SLCO6A1: variants seen among roughly 807,000 people sequenced by gnomAD.
SLCO6A1 encodes solute carrier organic anion transporter family member 6A1.
Under a neutral mutation model 72.7 loss-of-function variants are expected in SLCO6A1, and 65 were observed. That is an observed-to-expected ratio of 0.89 (90% CI 0.73 to 1.10). SLCO6A1 has a LOEUF of 1.10. Among genes scored for constraint, SLCO6A1 ranks in the 50% least tolerant of loss-of-function variants. SLCO6A1 has a pLI of 0.00. For missense variants in SLCO6A1, 874 were observed against 872.6 expected, an observed-to-expected ratio of 1.00 and a Z score of -0.02; for synonymous variants, 314 against 298.2, an observed-to-expected ratio of 1.05 and a Z score of -0.55.
chr5:102,438,778 T>C lies in SLCO6A1; in HGVS notation c.1132-17A>G, dbSNP rs200038069. On this transcript the variant is annotated splice_polypyrimidine_tract_variant and intron_variant, in intron 6 of 13. Transcript: ENST00000506729. Reference sequence around the variant, plus strand: ...CATCAGAATCTGAAATAAAAATAAGTTATATATCTATTATTTTATTTTGTT... The same window carrying C: ...CATCAGAATCTGAAATAAAAATAAGCTATATATCTATTATTTTATTTTGTT... 1 of 1,487,516 alleles carries C rather than the reference T, an allele frequency of 6.7e-7. No individual in the cohort carries two copies. Among genetic ancestry groups the C allele is most frequent in the East Asian group, 2.4e-5 (1 of 41,072 alleles). 92.1% of individuals were successfully genotyped at this position (1,487,516 alleles called of 1,614,324 possible). A position where few individuals can be genotyped will look rare whatever the true frequency, so the allele number is the denominator to read the frequency against.
At chr5:102,487,180 C>G (rs1394059429) in intron 1 of SLCO6A1, among the ~76,000 whole-genome samples, 1 of 152,214 alleles carries the variant, frequency 6.6e-6, no homozygotes, top group East Asian at 1.9e-4. Flanking sequence ...AAGCCTTTTG[C>G]AGCTGCATGT....
intron 1 of SLCO6A1, among the ~76,000 whole-genome samples, chr5:102,487,053 C>G (rs1006361090): frequency 1.3e-5 from 2 of 151,966 alleles, no homozygotes; most frequent in African/African-American, 4.8e-5. Flanking sequence ...TCATTTACAG[C>G]TATTATTTTA....
intron 12 of SLCO6A1, among the ~76,000 whole-genome samples, chr5:102,386,497 C>G (rs1356811829): frequency 6.6e-6 from 1 of 152,012 alleles, no homozygotes; most frequent in African/African-American, 2.4e-5. Flanking sequence ...GAACCTAGGG[C>G]TATGGGGACT....
chr5:102,425,882 C>T (rs775959338), intron 7 of SLCO6A1, among the ~76,000 whole-genome samples: 1 of 152,140 alleles, frequency 6.6e-6, no homozygotes, highest in Non-Finnish European at 1.5e-5. Flanking sequence ...TACAAGGCTA[C>T]AGTAACCAAA....
intron 7 of SLCO6A1, among the ~76,000 whole-genome samples, chr5:102,425,445 CA>C (rs1238752582): frequency 6.6e-6 from 1 of 152,092 alleles, no homozygotes; most frequent in East Asian, 1.9e-4. Context: ...AATCAATGTG[CA>C]AAAATCACAG....
intron 7 of SLCO6A1, among the ~76,000 whole-genome samples, chr5:102,430,973 CTCATTA>C: frequency 6.6e-6 from 1 of 152,046 alleles, no homozygotes; most frequent in South Asian, 2.1e-4. Flanking sequence ...AGTTTTGGAG[CTCATTA>C]TTAGTCTGTT....
chr5:102,459,666 G>A lies in SLCO6A1; in HGVS notation c.1011C>T (p.Asn337=). Residue 337 remains asparagine, a synonymous_variant, in exon 5 of 14, where the codon AAC becomes AAT. Transcript: ENST00000506729. Reference sequence around the variant, plus strand: ...ACATTTTATAGTCACCTGGCATATTGTTTGGAAAGCATGACAATGGTATTA... The same window carrying A: ...ACATTTTATAGTCACCTGGCATATTATTTGGAAAGCATGACAATGGTATTA... ...CTLIPLSCFP[N]NMPGSTRIKA... The A allele has an allele frequency of 1.9e-6, 3 of 1,584,278 alleles. No homozygotes were observed. Among genetic ancestry groups the A allele is most frequent in the Non-Finnish European group, 2.6e-6 (3 of 1,171,370 alleles).
At chr5:102,414,764 A>T (rs1333763533) in intron 8 of SLCO6A1, among the ~76,000 whole-genome samples, 1 of 151,990 alleles carries the variant, frequency 6.6e-6, no homozygotes, top group African/African-American at 2.4e-5. Flanking sequence ...GCGTAGTGGC[A>T]TGCACCTGTA....
In SLCO6A1 at chr5:102,435,742, G is replaced by A. The variant is rs1382532946; in HGVS notation, c.1276+2875C>T. Among the ~76,000 whole-genome samples the A allele has an allele frequency of 2.0e-5, 3 of 152,100 alleles. No individual in the cohort carries two copies. The East Asian group carries it at 5.8e-4, about 29-fold the overall frequency. The stretch of plus-strand genomic sequence containing the variant: ...AATACAAAATTAGCTGGGCGTGGTG[G>A]TGCATGCCTATAATCCCAGCTACTC... On this transcript the variant is annotated intron_variant, in intron 7 of 13. Transcript: ENST00000506729.
At chr5:102,385,654 T>G (rs1194895514) in intron 12 of SLCO6A1, among the ~76,000 whole-genome samples, 1 of 152,066 alleles carries the variant, frequency 6.6e-6, no homozygotes, top group Non-Finnish European at 1.5e-5. Flanking sequence ...ATTTATTTCT[T>G]TTTTATGGCT....
At chr5:102,479,141 G>A (rs1752058217) in intron 2 of SLCO6A1, among the ~76,000 whole-genome samples, 1 of 152,080 alleles carries the variant, frequency 6.6e-6, no homozygotes, top group African/African-American at 2.4e-5. Flanking sequence ...CTGGATCACG[G>A]GAGCAGATTT....
At chr5:102,447,966 T>C (rs1478987470) in intron 6 of SLCO6A1, among the ~76,000 whole-genome samples, 2 of 152,132 alleles carry the variant, frequency 1.3e-5, no homozygotes, top group Non-Finnish European at 2.9e-5. Flanking sequence ...TGACGTTAGA[T>C]TGTTAATTTG....
intron 12 of SLCO6A1, among the ~76,000 whole-genome samples, chr5:102,375,659 A>C (rs1208724797): frequency 2.6e-5 from 4 of 152,154 alleles, no homozygotes; most frequent in Non-Finnish European, 5.9e-5. Flanking sequence ...TTATTTATCT[A>C]CCAGAAAAGG....
intron 6 of SLCO6A1, among the ~76,000 whole-genome samples, chr5:102,446,752 C>T (rs140211392): frequency 1.3e-5 from 2 of 150,376 alleles, no homozygotes; most frequent in Admixed American, 6.6e-5. Context: ...TTTGTTGAAA[C>T]GTTTTTTGTT....
chr5:102,479,002 AC>A (rs1752050941), intron 2 of SLCO6A1, among the ~76,000 whole-genome samples: 1 of 152,014 alleles, frequency 6.6e-6, no homozygotes, highest in African/African-American at 2.4e-5. Flanking sequence ...AGTTCCTTGA[AC>A]TTTTTTCCTG....
At chr5:102,457,504 CTCA>C (rs1750791707) in intron 6 of SLCO6A1, among the ~76,000 whole-genome samples, 2 of 152,096 alleles carry the variant, frequency 1.3e-5, no homozygotes, top group Non-Finnish European at 2.9e-5. Flanking sequence ...TGAAAAAATG[CTCA>C]TCATCACTGG....
intron 9 of SLCO6A1, among the ~76,000 whole-genome samples, chr5:102,400,301 TATA>T (rs1430441711): frequency 1.3e-5 from 2 of 151,950 alleles, no homozygotes; most frequent in African/African-American, 4.8e-5. Flanking sequence ...GAAAAAAGTG[TATA>T]ATAATAAATT....
intron 12 of SLCO6A1, among the ~76,000 whole-genome samples, chr5:102,381,432 C>G (rs139208273): frequency 8.8e-4 from 133 of 151,840 alleles, no homozygotes; most frequent in African/African-American, 3.0e-3. Context: ...GAATAGTATT[C>G]CATTGTATGT....
At chr5:102,403,087 T>C (rs1747486532) in intron 9 of SLCO6A1, among the ~76,000 whole-genome samples, 1 of 152,226 alleles carries the variant, frequency 6.6e-6, no homozygotes, top group South Asian at 2.1e-4. Context: ...TAAGTGTTGG[T>C]ATAGAAATAT....
Sources: gnomAD v4.1 joint callset for allele counts (sites outside exome capture counted in the v4.1 genomes callset) on GRCh38, gnomAD v4.1.1 for gene constraint, MANE v1.5 for transcripts, NCBI Gene and HGNC (gene_info 2026-07-23, HGNC 2026-07-21) for gene names.